DCAF8L2: variants seen among roughly 807,000 people sequenced by gnomAD.
DCAF8L2 encodes DDB1 and CUL4 associated factor 8 like 2.
For synonymous variants in DCAF8L2, 200 were observed against 190.9 expected, an observed-to-expected ratio of 1.05 and a Z score of -0.39; for missense variants, 430 against 490.7, an observed-to-expected ratio of 0.88 and a Z score of 1.17.
chrX:27,695,416 T>A (rs1930857715), intron 3 of DCAF8L2, among the ~76,000 whole-genome samples: 1 of 112,116 alleles, frequency 8.9e-6, no homozygotes, highest in Non-Finnish European at 1.9e-5. Flanking sequence ...ACTATTGGAA[T>A]GGGCTGCAGA....
intron 4 of DCAF8L2, among the ~76,000 whole-genome samples, chrX:27,743,393 A>G (rs1380889920): frequency 1.9e-5 from 2 of 107,899 alleles, no homozygotes; most frequent in Admixed American, 9.9e-5. Flanking sequence ...GCTGTTTACA[A>G]ATATTTTATT....
chrX:27,657,538 A>G lies in DCAF8L2; in HGVS notation c.-219-20298A>G, dbSNP rs141945392. 2.0e-3 allele frequency among the ~76,000 whole-genome samples: 229 copies of G among 112,070 alleles called. 6 individuals carry two copies. The East Asian group carries it at 0.06, about 29-fold the overall frequency. On this transcript the variant is annotated intron_variant, in intron 2 of 4. Transcript: ENST00000451261. ...TACTCTAGTCTACCTGGTTTAAAAG[A>G]ATACTTCTATATTTAGTAAAGAGAT...
intron 2 of DCAF8L2, among the ~76,000 whole-genome samples, chrX:27,649,603 G>T (rs1257218179): frequency 8.9e-6 from 1 of 111,858 alleles, no homozygotes; most frequent in Non-Finnish European, 1.9e-5. Flanking sequence ...CCACATGTAT[G>T]TTTTCTTTTG....
chrX:27,511,865 A>G, the DCAF8L2 span, among the ~76,000 whole-genome samples: 2 of 112,296 alleles, frequency 1.8e-5, no homozygotes, highest in Admixed American at 1.9e-4. Context: ...CTGTGCCGGT[A>G]GTGAACTATC....
chrX:27,612,935 C>CT (rs768632724), intron 1 of DCAF8L2, among the ~76,000 whole-genome samples: 8 of 111,594 alleles, frequency 7.2e-5, no homozygotes, highest in Non-Finnish European at 1.5e-4. Context: ...AATGTGGGCT[C>CT]TTTTTTGATT....
chrX:27,547,721 CAT>C, the DCAF8L2 span, among the ~76,000 whole-genome samples: 2 of 111,123 alleles, frequency 1.8e-5, no homozygotes, highest in African/African-American at 6.6e-5. Context: ...CCTCTCTTGA[CAT>C]GTGGGGATTA....
chrX:27,666,824 T>G (rs1336611624), intron 2 of DCAF8L2, among the ~76,000 whole-genome samples: 1 of 112,077 alleles, frequency 8.9e-6, no homozygotes, highest in Non-Finnish European at 1.9e-5. Context: ...CAATGCTATT[T>G]CCTTTCATTG....
At chrX:27,621,201 G>A (rs1337270855) in intron 1 of DCAF8L2, among the ~76,000 whole-genome samples, 1 of 111,488 alleles carries the variant, frequency 9.0e-6, no homozygotes, top group African/African-American at 3.3e-5. Context: ...AATGTGTGGA[G>A]AGTAGAATGC....
chrX:27,494,934 A>T, the DCAF8L2 span, among the ~76,000 whole-genome samples: 2 of 110,849 alleles, frequency 1.8e-5, no homozygotes, highest in African/African-American at 3.3e-5. Flanking sequence ...TGGAATTCTG[A>T]TCTTTTTTTT....
At position 27,748,600 on chromosome X, in the gene DCAF8L2, T is replaced by A. The variant is rs1922403073; in HGVS notation, c.1705T>A (p.Leu569Met). The A allele has an allele frequency of 8.3e-7, 1 of 1,203,847 alleles. No homozygotes were observed. The highest frequency in any genetic ancestry group is 1.7e-5 in the African/African-American group (1 of 57,170). Residue 569 changes from leucine to methionine, a missense_variant, in exon 5 of 5, where the codon TTG becomes ATG. Physicochemically the swap from Leu to Met is conservative, Grantham distance 15. Coordinates refer to ENST00000451261, the MANE Select transcript of DCAF8L2 (RefSeq NM_001353450.2). ...CAAGTGGGAACGAGATGAAGACAGC[T>A]TGCACCATGGCAGCCTGTTTGACCA... ...KNKWERDEDS[L>M]HHGSLFDQYM...
At chrX:27,514,279 G>T in the DCAF8L2 span, among the ~76,000 whole-genome samples, 1 of 41,948 alleles carries the variant, frequency 2.4e-5, no homozygotes, top group African/African-American at 4.3e-5. Context: ...GTGCACATAT[G>T]TACATATGTG....
At chrX:27,607,460 G>C (rs913691201) in intron 1 of DCAF8L2, among the ~76,000 whole-genome samples, 1 of 111,580 alleles carries the variant, frequency 9.0e-6, no homozygotes, top group Non-Finnish European at 1.9e-5. Context: ...CAGAGCTTCA[G>C]TAGTCTCAGT....
chrX:27,565,933 G>T, the DCAF8L2 span, among the ~76,000 whole-genome samples: 1 of 110,786 alleles, frequency 9.0e-6, no homozygotes, highest in Admixed American at 9.7e-5. Flanking sequence ...ATAAGGTGTG[G>T]ATTTCTGACA....
the DCAF8L2 span, among the ~76,000 whole-genome samples, chrX:27,528,095 A>G: frequency 2.2e-5 from 2 of 89,372 alleles, no homozygotes; most frequent in East Asian, 7.5e-4. Context: ...TATTAGACTA[A>G]TTTTTAATTT....
At chrX:27,698,560 C>T (rs1931012412) in intron 3 of DCAF8L2, among the ~76,000 whole-genome samples, 1 of 111,953 alleles carries the variant, frequency 8.9e-6, no homozygotes, top group South Asian at 3.7e-4. Context: ...TACCATTTCA[C>T]CAAGAGATTT....
intron 2 of DCAF8L2, among the ~76,000 whole-genome samples, chrX:27,651,555 G>T (rs1929153659): frequency 1.0e-5 from 1 of 98,910 alleles, no homozygotes; most frequent in Non-Finnish European, 2.0e-5. Flanking sequence ...TGTCGCCCAG[G>T]CTGGAGTGCA....
chrX:27,539,650 C>G, the DCAF8L2 span, among the ~76,000 whole-genome samples: 45,466 of 110,179 alleles, frequency 0.41, 8,792 homozygotes, highest in African/African-American at 0.77. Context: ...AATCTACATT[C>G]TGTGTCTGTG....
the DCAF8L2 span, among the ~76,000 whole-genome samples, chrX:27,534,170 C>T: frequency 9.4e-6 from 1 of 106,444 alleles, no homozygotes; most frequent in Non-Finnish European, 1.9e-5. Context: ...GTGATCACAC[C>T]ACTGTGCTTC....
At chrX:27,493,963 T>C in the DCAF8L2 span, among the ~76,000 whole-genome samples, 1 of 111,557 alleles carries the variant, frequency 9.0e-6, no homozygotes, top group East Asian at 2.8e-4. Flanking sequence ...TAGAATCCTA[T>C]TTCTTTTTAT....
Sources: allele counts gnomAD v4.1 joint callset (sites outside exome capture counted in the v4.1 genomes callset), GRCh38; gene constraint gnomAD v4.1.1; transcripts MANE v1.5; gene names NCBI Gene and HGNC (gene_info 2026-07-23, HGNC 2026-07-21).